SLC44A5: variants seen among roughly 807,000 people sequenced by gnomAD.
SLC44A5 encodes the protein choline transporter-like protein 5.
A neutral mutation model predicts 101.8 loss-of-function variants in SLC44A5; 57 were observed. The observed-to-expected ratio is 0.56, with a 90% CI of 0.45 to 0.70. SLC44A5 has a LOEUF of 0.70. Among genes scored for constraint, SLC44A5 ranks in the 30% least tolerant of loss-of-function variants. The pLI, the probability that SLC44A5 is intolerant of heterozygous loss-of-function variation, is 0.00. For missense variants in SLC44A5, 737 were observed against 853.1 expected, an observed-to-expected ratio of 0.86 and a Z score of 1.70; for synonymous variants, 281 against 290.9, an observed-to-expected ratio of 0.97 and a Z score of 0.35.
chr1:75,632,265 A>ATACT, the SLC44A5 span, among the ~76,000 whole-genome samples: 1 of 152,156 alleles, frequency 6.6e-6, no homozygotes, highest in Non-Finnish European at 1.5e-5. Context: ...GGATCATCTT[A>ATACT]TACTTACTTC....
At chr1:75,599,398 C>G (rs533880353) in intron 1 of SLC44A5, among the ~76,000 whole-genome samples, 2 of 152,012 alleles carry the variant, frequency 1.3e-5, no homozygotes, top group African/African-American at 4.8e-5. Flanking sequence ...TGGACCAGAG[C>G]GACACTCTAA....
the SLC44A5 span, among the ~76,000 whole-genome samples, chr1:75,628,262 T>C: frequency 1.3e-5 from 2 of 152,178 alleles, no homozygotes; most frequent in African/African-American, 4.8e-5. Context: ...ACTGCTTTCA[T>C]AGTTCCCTCT....
the SLC44A5 span, among the ~76,000 whole-genome samples, chr1:75,634,474 A>G: frequency 6.6e-6 from 1 of 151,588 alleles, no homozygotes; most frequent in African/African-American, 2.4e-5. Flanking sequence ...GATATAGATC[A>G]ATGGAACAGA....
chr1:75,601,153 T>G (rs544457882), intron 1 of SLC44A5, among the ~76,000 whole-genome samples: 5 of 152,190 alleles, frequency 3.3e-5, no homozygotes, highest in Admixed American at 1.3e-4. Flanking sequence ...ATCCATGAGA[T>G]CCTCATAATA....
At chr1:75,579,765 G>T (rs1673576157) in intron 1 of SLC44A5, among the ~76,000 whole-genome samples, 1 of 151,568 alleles carries the variant, frequency 6.6e-6, no homozygotes, top group Non-Finnish European at 1.5e-5. Flanking sequence ...AATCTGAAAT[G>T]ATTCTATAGA....
intron 5 of SLC44A5, among the ~76,000 whole-genome samples, chr1:75,287,331 T>G (rs1216531771): frequency 6.6e-6 from 1 of 151,924 alleles, no homozygotes; most frequent in Non-Finnish European, 1.5e-5. Context: ...GAGATTTTTC[T>G]GTTCATATTC....
At chr1:75,478,076 G>C (rs1290635131) in intron 2 of SLC44A5, among the ~76,000 whole-genome samples, 1 of 152,228 alleles carries the variant, frequency 6.6e-6, no homozygotes, top group Non-Finnish European at 1.5e-5. Flanking sequence ...CTACAAGCCA[G>C]AAGAGAGTAT....
intron 1 of SLC44A5, among the ~76,000 whole-genome samples, chr1:75,572,758 T>C (rs372164673): frequency 6.6e-6 from 1 of 152,068 alleles, no homozygotes; most frequent in Non-Finnish European, 1.5e-5. Context: ...ACTATTGATA[T>C]GATCATATGT....
the SLC44A5 span, among the ~76,000 whole-genome samples, chr1:75,704,772 TTATC>T: frequency 1.3e-5 from 2 of 152,178 alleles, no homozygotes; most frequent in African/African-American, 4.8e-5. Context: ...AATGACAGTG[TTATC>T]TTTCTTTTTT....
At chr1:75,694,508 C>T in the SLC44A5 span, among the ~76,000 whole-genome samples, 1 of 151,898 alleles carries the variant, frequency 6.6e-6, no homozygotes, top group African/African-American at 2.4e-5. Flanking sequence ...ACATGTAAAT[C>T]CTATTGGAAT....
chr1:75,220,823 A>G (rs564340525), intron 14 of SLC44A5, among the ~76,000 whole-genome samples: 1 of 152,174 alleles, frequency 6.6e-6, no homozygotes, highest in East Asian at 1.9e-4. Context: ...TACCTTCCTC[A>G]CCTCACTATT....
At chr1:75,237,165 T>C in intron 10 of SLC44A5, 95 bp from the exon 11 acceptor site, 1 of 675,924 alleles carries the variant, frequency 1.5e-6, no homozygotes, top group Non-Finnish European at 2.6e-6. Context: ...AAGGTGCTGT[T>C]GAAAGCATGT....
chr1:75,507,401 C>T (rs1300954106), intron 2 of SLC44A5, among the ~76,000 whole-genome samples: 6 of 152,100 alleles, frequency 3.9e-5, no homozygotes, highest in South Asian at 4.1e-4. Context: ...ATGAAGCCTA[C>T]GTGATCGTGA....
intron 5 of SLC44A5, among the ~76,000 whole-genome samples, chr1:75,288,930 C>A (rs1439832790): frequency 6.6e-6 from 1 of 152,170 alleles, no homozygotes; most frequent in African/African-American, 2.4e-5. Flanking sequence ...GGATGCCACA[C>A]AGATTTCCTT....
intron 1 of SLC44A5, among the ~76,000 whole-genome samples, chr1:75,570,421 T>C (rs758313998): frequency 1.3e-5 from 2 of 151,976 alleles, no homozygotes; most frequent in African/African-American, 2.4e-5. Flanking sequence ...ACCTCAGGAA[T>C]GGTGGTAGGT....
At chr1:75,665,302 C>T in the SLC44A5 span, among the ~76,000 whole-genome samples, 2 of 152,214 alleles carry the variant, frequency 1.3e-5, no homozygotes, top group African/African-American at 4.8e-5. Flanking sequence ...TAAAGCCACA[C>T]ACCTATAGTC....
chr1:75,485,794 C>T (rs1668119064), intron 2 of SLC44A5, among the ~76,000 whole-genome samples: 1 of 152,062 alleles, frequency 6.6e-6, no homozygotes. Flanking sequence ...CTGGGGAGGC[C>T]TCAGGAAACT....
chr1:75,511,014 G>C (rs957446075), intron 2 of SLC44A5, among the ~76,000 whole-genome samples: 2 of 152,088 alleles, frequency 1.3e-5, no homozygotes, highest in Non-Finnish European at 2.9e-5. Flanking sequence ...GTGGTGGCAG[G>C]AGCCTGTAGT....
chr1:75,227,984 A>G (rs1189586993), intron 12 of SLC44A5, 127 bp from the exon 13 acceptor site: 12 of 637,166 alleles, frequency 1.9e-5, no homozygotes, highest in Non-Finnish European at 3.0e-5. Flanking sequence ...CAAGACACAT[A>G]TTTACACAGC....
Sources: gnomAD v4.1 joint callset for allele counts (sites outside exome capture counted in the v4.1 genomes callset) on GRCh38, gnomAD v4.1.1 for gene constraint, MANE v1.5 for transcripts, NCBI Gene and HGNC (gene_info 2026-07-23, HGNC 2026-07-21) for gene names.